The following UNC79 variants were observed in gnomAD, a reference collection of about 807,000 sequenced individuals.
UNC79 encodes protein unc-79 homolog.
In UNC79, 37 loss-of-function variants were observed where a neutral mutation model predicts 283.1. The ratio of observed to expected loss-of-function variants is 0.13; its 90% confidence interval spans 0.10 to 0.17. UNC79 has a LOEUF of 0.17. Among genes scored for constraint, UNC79 ranks in the 10% least tolerant of loss-of-function variants. UNC79 has a pLI of 1.00. For synonymous variants in UNC79, 1,107 were observed against 1,200.2 expected, an observed-to-expected ratio of 0.92 and a Z score of 1.61; for missense variants, 2,272 against 3,211.1, an observed-to-expected ratio of 0.71 and a Z score of 7.07.
chr14:93,505,741 G>A (rs1200931997), intron 7 of UNC79, among the ~76,000 whole-genome samples: 1 of 108,642 alleles, frequency 9.2e-6, no homozygotes, highest in Admixed American at 9.1e-5. Context: ...TTTTTTTTTT[G>A]CCTCTTTTGC....
At chr14:93,448,762 GA>G (rs1209514644) in intron 1 of UNC79, among the ~76,000 whole-genome samples, 1 of 152,208 alleles carries the variant, frequency 6.6e-6, no homozygotes, top group Non-Finnish European at 1.5e-5. Context: ...TAGCTGGGCT[GA>G]TTTGGGTCTA....
intron 1 of UNC79, among the ~76,000 whole-genome samples, chr14:93,373,719 G>T (rs1475785984): frequency 6.6e-6 from 1 of 152,148 alleles, no homozygotes; most frequent in Non-Finnish European, 1.5e-5. Flanking sequence ...TTTTCCAGAA[G>T]ATAGAAGAAG....
At chr14:93,572,027 A>G in exon 15 of UNC79, 1 of 1,614,226 alleles carries the variant, frequency 6.2e-7, no homozygotes, top group Non-Finnish European at 8.5e-7. Flanking sequence ...GAATGGCTGG[A>G]AGCCATCAGA....
intron 35 of UNC79, among the ~76,000 whole-genome samples, 192 bp from the exon 39 acceptor site, chr14:93,653,550 G>C (rs1458947838): frequency 6.6e-6 from 1 of 152,044 alleles, no homozygotes; most frequent in Non-Finnish European, 1.5e-5. Flanking sequence ...GGCATTTCAT[G>C]GTTCTCTCTT....
intron 17 of UNC79, among the ~76,000 whole-genome samples, chr14:93,575,535 G>T (rs531761156): frequency 3.9e-5 from 6 of 152,204 alleles, no homozygotes; most frequent in African/African-American, 1.4e-4. Flanking sequence ...CTTCACTTTG[G>T]GGGTGAGGAG....
In UNC79 at chr14:93,396,777, ATG is replaced by A. The variant is rs34727419; in HGVS notation, c.-351+63284_-351+63285del. On this transcript the variant is annotated intron_variant, in intron 1 of 49. Transcript: ENST00000256339. ...GTCTTTGCAAAGGGCATGTGTGTGT[ATG>A]TGTGTGTGTGTGTGTGTGTGTGTGT... Among the ~76,000 whole-genome samples the A allele has an allele frequency of 4.8e-3, 697 of 144,262 alleles. 2 individuals are homozygous for A. Among genetic ancestry groups the A allele is most frequent in the Non-Finnish European group, 7.6e-3 (502 of 66,074 alleles). 94.6% of individuals were successfully genotyped at this position (144,262 alleles called of 152,430 possible).
At chr14:93,646,568 C>T in intron 34 of UNC79, 40 bp from the exon 38 acceptor site, 1 of 1,598,586 alleles carries the variant, frequency 6.3e-7, no homozygotes, top group Non-Finnish European at 8.6e-7. Flanking sequence ...ATCATGGAAA[C>T]CTAAGATATT....
intron 47 of UNC79, among the ~76,000 whole-genome samples, chr14:93,704,146 A>G (rs1450742863): frequency 3.3e-5 from 5 of 152,100 alleles, no homozygotes; most frequent in African/African-American, 4.8e-5. Context: ...GCTGTATTAC[A>G]CCTTCCAGAT....
At chr14:93,510,410 A>G (rs923982706) in intron 7 of UNC79, among the ~76,000 whole-genome samples, 1 of 152,246 alleles carries the variant, frequency 6.6e-6, no homozygotes, top group East Asian at 1.9e-4. Flanking sequence ...CAAATTTTCC[A>G]AATTTTTATG....
At chr14:93,657,682 G>A (rs572908148) in intron 38 of UNC79, among the ~76,000 whole-genome samples, 62 of 152,294 alleles carry the variant, frequency 4.1e-4, no homozygotes, top group African/African-American at 1.4e-3. Flanking sequence ...CCTGTGTGCC[G>A]ATGTGACTGT....
intron 1 of UNC79, among the ~76,000 whole-genome samples, chr14:93,338,641 T>C (rs934461505): frequency 6.6e-6 from 1 of 152,198 alleles, no homozygotes; most frequent in Non-Finnish European, 1.5e-5. Context: ...GTGCAGTGGC[T>C]TATGGCTGTT....
chr14:93,420,866 T>C (rs1288717259), intron 1 of UNC79, among the ~76,000 whole-genome samples: 1 of 151,602 alleles, frequency 6.6e-6, no homozygotes, highest in East Asian at 1.9e-4. Context: ...AGTGAGTCAA[T>C]AAAGATGTTA....
intron 1 of UNC79, among the ~76,000 whole-genome samples, chr14:93,395,530 A>C (rs2054976536): frequency 6.6e-6 from 1 of 152,166 alleles, no homozygotes; most frequent in Non-Finnish European, 1.5e-5. Flanking sequence ...GCAAGGGGGA[A>C]ATCCATCTCC....
chr14:93,698,475 G>GTTTT (rs2075303181), intron 47 of UNC79, among the ~76,000 whole-genome samples: 1 of 67,322 alleles, frequency 1.5e-5, no homozygotes, highest in Non-Finnish European at 3.2e-5. Context: ...GTTTAGTTTA[G>GTTTT]GTTTTTTTTT....
chr14:93,367,792 AT>A (rs2054365091), intron 1 of UNC79, among the ~76,000 whole-genome samples: 1 of 152,222 alleles, frequency 6.6e-6, no homozygotes, highest in Admixed American at 6.5e-5. Context: ...AGGCTTCCTA[AT>A]TTACTCTCTT....
intron 22 of UNC79, among the ~76,000 whole-genome samples, chr14:93,588,121 G>T (rs942512945): frequency 6.6e-6 from 1 of 152,112 alleles, no homozygotes; most frequent in Non-Finnish European, 1.5e-5. Flanking sequence ...GGATGTAAGG[G>T]AGTAATGGAA....
chr14:93,447,948 G>A (rs759484841), intron 1 of UNC79, among the ~76,000 whole-genome samples: 4 of 152,040 alleles, frequency 2.6e-5, no homozygotes, highest in Non-Finnish European at 4.4e-5. Flanking sequence ...TGAGTGTCAC[G>A]TGGGCTTCTA....
chr14:93,696,180 A>G (rs1176622268), intron 47 of UNC79, among the ~76,000 whole-genome samples: 1 of 152,152 alleles, frequency 6.6e-6, no homozygotes, highest in Non-Finnish European at 1.5e-5. Context: ...CCATTGTATG[A>G]ATATACCACA....
chr14:93,339,112 A>G (rs1270144876), intron 1 of UNC79, among the ~76,000 whole-genome samples: 1 of 152,186 alleles, frequency 6.6e-6, no homozygotes, highest in Non-Finnish European at 1.5e-5. Flanking sequence ...CATCCTTGAC[A>G]TAAGTAATGC....
Sources: allele counts gnomAD v4.1 joint callset (sites outside exome capture counted in the v4.1 genomes callset), GRCh38; gene constraint gnomAD v4.1.1; transcripts MANE v1.5; gene names NCBI Gene and HGNC (gene_info 2026-07-23, HGNC 2026-07-21).